The following SAMTOR variants were observed in gnomAD, a reference collection of about 807,000 sequenced individuals.
The protein encoded by SAMTOR is UPF0532 protein C7orf60.
chr7:112,888,719 G>C, the SAMTOR span, among the ~76,000 whole-genome samples: 1 of 152,068 alleles, frequency 6.6e-6, no homozygotes, highest in African/African-American at 2.4e-5. Context: ...ATAAGCCTTA[G>C]AAAAAGATAA....
the SAMTOR span, among the ~76,000 whole-genome samples, chr7:112,923,380 CT>C: frequency 3.9e-5 from 6 of 151,994 alleles, no homozygotes; most frequent in African/African-American, 1.2e-4. Flanking sequence ...AACCAGAGAC[CT>C]TTGTTCACTT....
the SAMTOR span, among the ~76,000 whole-genome samples, chr7:112,915,019 T>A: frequency 0.023 from 3,487 of 152,082 alleles, 67 homozygotes; most frequent in Admixed American, 0.042. Flanking sequence ...GGCGGGCAGG[T>A]CACGAGGTCA....
At chr7:112,892,996 C>A in the SAMTOR span, among the ~76,000 whole-genome samples, 4 of 152,122 alleles carry the variant, frequency 2.6e-5, no homozygotes, top group Non-Finnish European at 4.4e-5. Flanking sequence ...TTTAAATATT[C>A]CGTAAACTAT....
At chr7:112,911,834 G>C in the SAMTOR span, among the ~76,000 whole-genome samples, 2 of 151,788 alleles carry the variant, frequency 1.3e-5, no homozygotes, top group African/African-American at 4.8e-5. Flanking sequence ...AATCAGTAAA[G>C]ATATATAGAA....
the SAMTOR span, among the ~76,000 whole-genome samples, chr7:112,883,937 A>G: frequency 6.6e-6 from 1 of 152,218 alleles, no homozygotes; most frequent in African/African-American, 2.4e-5. Flanking sequence ...GTCAATTTAT[A>G]AAGGAAATAG....
At chr7:112,821,700 A>G in the SAMTOR span, 6 of 1,518,814 alleles carry the variant, frequency 4.0e-6, no homozygotes, top group Non-Finnish European at 4.4e-6. Flanking sequence ...GGTGTAAGCA[A>G]TTAGTTTAGG....
At chr7:112,852,149 C>T in the SAMTOR span, among the ~76,000 whole-genome samples, 6 of 152,226 alleles carry the variant, frequency 3.9e-5, no homozygotes, top group South Asian at 1.2e-3. Context: ...AAGACACCTG[C>T]CCTTGTATGT....
the SAMTOR span, among the ~76,000 whole-genome samples, chr7:112,858,550 CT>C: frequency 5.9e-5 from 9 of 151,800 alleles, no homozygotes; most frequent in African/African-American, 2.2e-4. Context: ...TTAAATACTT[CT>C]TATTTATTTG....
chr7:112,907,870 T>TTTAC, the SAMTOR span, among the ~76,000 whole-genome samples: 1 of 151,158 alleles, frequency 6.6e-6, no homozygotes, highest in Admixed American at 6.6e-5. Context: ...TATTTATTTA[T>TTTAC]TTATTTGCTG....
At chr7:112,932,261 C>T in the SAMTOR span, among the ~76,000 whole-genome samples, 1 of 152,054 alleles carries the variant, frequency 6.6e-6, no homozygotes, top group African/African-American at 2.4e-5. Flanking sequence ...TACAGAGAGA[C>T]ATACATTATA....
the SAMTOR span, among the ~76,000 whole-genome samples, chr7:112,838,022 T>TG: frequency 1.3e-5 from 2 of 151,824 alleles, no homozygotes; most frequent in African/African-American, 2.4e-5. Flanking sequence ...ACACCATATG[T>TG]GGGGGTTGTT....
chr7:112,836,744 A>G, the SAMTOR span, among the ~76,000 whole-genome samples: 1 of 151,972 alleles, frequency 6.6e-6, no homozygotes, highest in African/African-American at 2.4e-5. Flanking sequence ...ACTTTATCGA[A>G]GATCAGATGG....
chr7:112,906,703 C>G, the SAMTOR span, among the ~76,000 whole-genome samples: 2 of 151,902 alleles, frequency 1.3e-5, no homozygotes, highest in Non-Finnish European at 2.9e-5. Context: ...TCCCAAGTAG[C>G]TGGGACTACA....
At chr7:112,820,460 G>A in the SAMTOR span, 2 of 152,096 alleles carry the variant, frequency 1.3e-5, no homozygotes, top group Admixed American at 1.3e-4. Context: ...TAATTTTAAT[G>A]TAATAACCAC....
chr7:112,861,915 C>T, the SAMTOR span, among the ~76,000 whole-genome samples: 1 of 152,152 alleles, frequency 6.6e-6, no homozygotes, highest in Non-Finnish European at 1.5e-5. Flanking sequence ...ATGATTCCAT[C>T]CTATTCTAAA....
At chr7:112,920,373 G>A in the SAMTOR span, among the ~76,000 whole-genome samples, 3 of 151,672 alleles carry the variant, frequency 2.0e-5, no homozygotes, top group Non-Finnish European at 2.9e-5. Flanking sequence ...AATAGATGCA[G>A]AAAAGGCCTT....
the SAMTOR span, among the ~76,000 whole-genome samples, chr7:112,902,356 C>A: frequency 6.8e-5 from 9 of 132,134 alleles, no homozygotes; most frequent in Non-Finnish European, 1.4e-4. Context: ...ACGGAGGTTG[C>A]GGTGAGCTGA....
chr7:112,929,141 A>G, the SAMTOR span, among the ~76,000 whole-genome samples: 3 of 151,902 alleles, frequency 2.0e-5, no homozygotes. Context: ...TAGCAAGTAT[A>G]TATGTGATGC....
At chr7:112,926,780 T>C in the SAMTOR span, among the ~76,000 whole-genome samples, 6 of 152,130 alleles carry the variant, frequency 3.9e-5, no homozygotes, top group African/African-American at 7.2e-5. Context: ...ACATGTAAAA[T>C]GTGGAAATGC....
Sources: gnomAD v4.1 joint callset for allele counts (sites outside exome capture counted in the v4.1 genomes callset) on GRCh38, gnomAD v4.1.1 for gene constraint, MANE v1.5 for transcripts, NCBI Gene and HGNC (gene_info 2026-07-23, HGNC 2026-07-21) for gene names.